DPP6: variants seen among roughly 807,000 people sequenced by gnomAD.
DPP6 encodes the protein A-type potassium channel modulatory protein DPP6.
DPP6 carries 69 observed loss-of-function variants against 122.6 expected under a neutral mutation model. The observed-to-expected ratio is 0.56, with a 90% CI of 0.46 to 0.69. DPP6 has a LOEUF of 0.69. Ranked by LOEUF, DPP6 falls within the 30% of genes least tolerant of loss-of-function variation. DPP6 has a pLI of 0.00. For missense variants in DPP6, 928 were observed against 1,116.9 expected, an observed-to-expected ratio of 0.83 and a Z score of 2.41; for synonymous variants, 418 against 433.1, an observed-to-expected ratio of 0.97 and a Z score of 0.43.
intron 1 of DPP6, chr7:154,094,414 A>C (rs28433081): frequency 0.6 from 90,781 of 152,148 alleles, 27,473 homozygotes; most frequent in African/African-American, 0.7. Context: ...GATATAGTCA[A>C]TGGGACTTGG....
chr7:153,793,272 C>A, the DPP6 span, among the ~76,000 whole-genome samples: 2 of 151,656 alleles, frequency 1.3e-5, no homozygotes, highest in South Asian at 2.1e-4. Flanking sequence ...AGCCTGATAG[C>A]AATATGGACA....
intron 1 of DPP6, among the ~76,000 whole-genome samples, chr7:154,249,082 C>T (rs945441990): frequency 5.9e-5 from 9 of 152,264 alleles, no homozygotes; most frequent in African/African-American, 2.2e-4. Context: ...TGGGGACTTA[C>T]GGGTGTTGAA....
At chr7:154,204,953 G>A (rs1000516617) in intron 1 of DPP6, among the ~76,000 whole-genome samples, 14 of 152,086 alleles carry the variant, frequency 9.2e-5, no homozygotes, top group Non-Finnish European at 1.9e-4. Flanking sequence ...ACTCCATTTT[G>A]TCTGTCACAG....
At chr7:154,648,528 G>C (rs942823984) in intron 6 of DPP6, among the ~76,000 whole-genome samples, 4 of 152,150 alleles carry the variant, frequency 2.6e-5, no homozygotes, top group Admixed American at 6.5e-5. Flanking sequence ...AGAGGGAGCA[G>C]GTCAGTCTGT....
At chr7:154,217,218 G>T (rs777231943) in intron 1 of DPP6, among the ~76,000 whole-genome samples, 9 of 152,094 alleles carry the variant, frequency 5.9e-5, no homozygotes, top group Non-Finnish European at 1.2e-4. Context: ...CAGTTTGAGG[G>T]TTTACTCTTG....
intron 5 of DPP6, chr7:154,588,474 G>T (rs1832613928): frequency 5.7e-6 from 1 of 173,914 alleles, no homozygotes; most frequent in African/African-American, 2.4e-5. Flanking sequence ...TCTTATCCTG[G>T]ATTCCTCGTT....
intron 1 of DPP6, among the ~76,000 whole-genome samples, chr7:154,214,928 ATG>A (rs1200063964): frequency 1.3e-5 from 2 of 151,954 alleles, no homozygotes; most frequent in Non-Finnish European, 2.9e-5. Flanking sequence ...AAAACAAAAT[ATG>A]TGTCTTGCAG....
At chr7:153,802,973 C>G in the DPP6 span, among the ~76,000 whole-genome samples, 4 of 151,680 alleles carry the variant, frequency 2.6e-5, no homozygotes, top group African/African-American at 9.7e-5. Flanking sequence ...CTCAGCCCGG[C>G]AGGCAGGCAG....
intron 1 of DPP6, among the ~76,000 whole-genome samples, chr7:153,982,894 T>A (rs1796662860): frequency 1.3e-5 from 2 of 152,214 alleles, no homozygotes; most frequent in African/African-American, 4.8e-5. Context: ...CAGCAAAGAT[T>A]GCTGCCTGCT....
At chr7:154,365,211 G>T (rs1812051464) in intron 1 of DPP6, among the ~76,000 whole-genome samples, 1 of 152,198 alleles carries the variant, frequency 6.6e-6, no homozygotes, top group African/African-American at 2.4e-5. Flanking sequence ...TAAAGGGCTT[G>T]CCCAAAGCAG....
chr7:154,674,028 A>T (rs1009993571), intron 7 of DPP6, among the ~76,000 whole-genome samples: 1 of 152,070 alleles, frequency 6.6e-6, no homozygotes, highest in Non-Finnish European at 1.5e-5. Context: ...GGTGTGTGCC[A>T]CCATACGTGG....
chr7:154,836,595 A>G (rs568824460), intron 16 of DPP6, among the ~76,000 whole-genome samples: 13 of 152,336 alleles, frequency 8.5e-5, no homozygotes, highest in African/African-American at 3.1e-4. Flanking sequence ...TTTTGTTTAA[A>G]TTATTCTTAA....
At chr7:154,665,826 T>G (rs1838114503) in intron 6 of DPP6, among the ~76,000 whole-genome samples, 1 of 152,172 alleles carries the variant, frequency 6.6e-6, no homozygotes, top group Non-Finnish European at 1.5e-5. Context: ...TCACAGTTTA[T>G]TTTAGTGTTC....
chr7:154,289,588 C>T (rs183694663), intron 1 of DPP6, among the ~76,000 whole-genome samples: 3 of 152,220 alleles, frequency 2.0e-5, no homozygotes, highest in African/African-American at 7.2e-5. Flanking sequence ...AGGTCCCTTC[C>T]CCAATGAAAC....
intron 1 of DPP6, among the ~76,000 whole-genome samples, chr7:154,078,908 T>G (rs943995716): frequency 2.1e-5 from 3 of 139,702 alleles, no homozygotes; most frequent in Non-Finnish European, 4.5e-5. Context: ...TTCAAAACAT[T>G]GAGGGTATCT....
chr7:154,095,101 G>A lies in DPP6; in HGVS notation c.243+42038G>A, dbSNP rs1326606471. On this transcript the variant is annotated intron_variant, in intron 1 of 25. Coordinates refer to ENST00000377770, the MANE Select transcript of DPP6 (RefSeq NM_130797.4). ...TTCACCCTGCACAGTGAAGAGAATGGGGGGTTAATGTGTCAGGCATGGCAT... is the reference window on the plus strand; with the variant it reads ...TTCACCCTGCACAGTGAAGAGAATGAGGGGTTAATGTGTCAGGCATGGCAT... 16 of 152,064 alleles carry A rather than the reference G, an allele frequency of 1.1e-4. 1 individual carries two copies. The East Asian group carries it at 1.6e-3, about 15-fold the overall frequency. The allele number at this position is 152,064 out of a possible 1,614,324, so 9.4% of individuals were successfully genotyped here.
chr7:153,974,201 G>A (rs1163835322), intron 1 of DPP6, among the ~76,000 whole-genome samples: 3 of 152,104 alleles, frequency 2.0e-5, no homozygotes, highest in African/African-American at 2.4e-5. Flanking sequence ...ATCCTTGATG[G>A]GGTGTTTCAG....
At chr7:154,432,090 G>A (rs1218808057) in intron 1 of DPP6, among the ~76,000 whole-genome samples, 2 of 152,168 alleles carry the variant, frequency 1.3e-5, no homozygotes, top group East Asian at 1.9e-4. Flanking sequence ...CAGTTTCCGG[G>A]TCCAAAATAA....
At chr7:154,447,055 C>T (rs1425275093) in intron 2 of DPP6, among the ~76,000 whole-genome samples, 1 of 152,146 alleles carries the variant, frequency 6.6e-6, no homozygotes, top group Non-Finnish European at 1.5e-5. Flanking sequence ...CCTGTAATCC[C>T]AGTACTTTGG....
Sources: allele counts gnomAD v4.1 joint callset (sites outside exome capture counted in the v4.1 genomes callset), GRCh38; gene constraint gnomAD v4.1.1; transcripts MANE v1.5; gene names NCBI Gene and HGNC (gene_info 2026-07-23, HGNC 2026-07-21).